Variants in BRMS1L observed in about 807,000 individuals in gnomAD.
BRMS1L encodes breast cancer metastasis-suppressor 1-like protein.
A neutral mutation model predicts 50.3 loss-of-function variants in BRMS1L; 23 were observed. The ratio of observed to expected loss-of-function variants is 0.46; its 90% CI spans 0.33 to 0.65. The LOEUF (loss-of-function observed/expected upper bound fraction) is 0.65. Ranked by LOEUF, BRMS1L falls within the 30% of genes least tolerant of loss-of-function variation. The probability of loss-of-function intolerance (pLI) is 0.02; values close to 1 mark genes in which losing one functional copy is unlikely to be tolerated. For missense variants in BRMS1L, 286 were observed against 386.1 expected, an observed-to-expected ratio of 0.74 and a Z score of 2.17; for synonymous variants, 114 against 126.9, an observed-to-expected ratio of 0.90 and a Z score of 0.69.
intron 2 of BRMS1L, among the ~76,000 whole-genome samples, chr14:35,832,276 G>A (rs992169215): frequency 1.6e-4 from 24 of 151,564 alleles, no homozygotes; most frequent in African/African-American, 5.3e-4. Flanking sequence ...AGGCTGAGGC[G>A]GGTGGATCAC....
chr14:35,869,635 C>T (rs989825773), intron 9 of BRMS1L, among the ~76,000 whole-genome samples: 2 of 152,044 alleles, frequency 1.3e-5, no homozygotes, highest in African/African-American at 4.8e-5. Context: ...ATCACAAGGT[C>T]GGGAGTTCAA....
chr14:35,866,901 C>T (rs992242137), intron 8 of BRMS1L, among the ~76,000 whole-genome samples: 1 of 152,106 alleles, frequency 6.6e-6, no homozygotes, highest in Non-Finnish European at 1.5e-5. Context: ...GTCTCCCTCC[C>T]ACTCTTATCT....
chr14:35,857,389 T>C (rs1047774130), intron 4 of BRMS1L, among the ~76,000 whole-genome samples: 1 of 151,820 alleles, frequency 6.6e-6, no homozygotes, highest in Admixed American at 6.6e-5. Flanking sequence ...AAAACAGCAG[T>C]CTTCTGTCCT....
At chr14:35,865,870 T>C in intron 8 of BRMS1L, 109 bp downstream of exon 8, 2 of 945,588 alleles carry the variant, frequency 2.1e-6, no homozygotes. Flanking sequence ...ATTTCATCAG[T>C]GAACACCGTG....
intron 4 of BRMS1L, among the ~76,000 whole-genome samples, chr14:35,862,286 G>A (rs748189487): frequency 5.3e-5 from 8 of 151,986 alleles, no homozygotes; most frequent in Non-Finnish European, 7.4e-5. Flanking sequence ...AATTTAAAAG[G>A]GGCCATAGGG....
intron 4 of BRMS1L, among the ~76,000 whole-genome samples, chr14:35,851,340 T>C (rs2078208371): frequency 6.6e-6 from 1 of 150,560 alleles, no homozygotes. Context: ...TTTCTATGAA[T>C]TGACATGAAG....
intron 4 of BRMS1L, among the ~76,000 whole-genome samples, chr14:35,852,614 T>G (rs1175318478): frequency 6.6e-6 from 1 of 152,144 alleles, no homozygotes; most frequent in Non-Finnish European, 1.5e-5. Flanking sequence ...ATTGTTGTGG[T>G]TGTAAATGGG....
chr14:35,835,324 G>T (rs1175207731), intron 4 of BRMS1L, among the ~76,000 whole-genome samples: 1 of 152,046 alleles, frequency 6.6e-6, no homozygotes, highest in Non-Finnish European at 1.5e-5. Flanking sequence ...CCACATCTTT[G>T]GGCAGAATTC....
chr14:35,828,471 C>CTTTTT (rs780984053), intron 1 of BRMS1L, among the ~76,000 whole-genome samples: 2 of 99,278 alleles, frequency 2.0e-5, no homozygotes, highest in Admixed American at 1.2e-4. Context: ...CATTCCCAGC[C>CTTTTT]TTTTTTTTTT....
Position 35,826,435 on chromosome 14 carries a change from T to C in BRMS1L, c.-82T>C. 1.3e-6 allele frequency: 2 copies of C among 1,539,096 alleles called. No individual in the cohort carries two copies. Among genetic ancestry groups the C allele is most frequent in the Non-Finnish European group, 1.8e-6 (2 of 1,142,612 alleles). On this transcript the variant is annotated 5_prime_UTR_variant, in exon 1 of 10. Transcript: ENST00000216807. ...GAGCAAGCTCGGTGGCTGGGTGGGT[T>C]GGGGCGTTCCGCGCGCCCTTCATTG...
At chr14:35,859,820 T>A (rs139338380) in intron 4 of BRMS1L, among the ~76,000 whole-genome samples, 230 of 152,168 alleles carry the variant, frequency 1.5e-3, no homozygotes, top group African/African-American at 5.2e-3. Flanking sequence ...TAGCTAATTT[T>A]AAAAAATATT....
intron 4 of BRMS1L, among the ~76,000 whole-genome samples, chr14:35,850,097 C>G (rs530194079): frequency 6.6e-6 from 1 of 152,298 alleles, no homozygotes; most frequent in South Asian, 2.1e-4. Context: ...TCTGAGATTA[C>G]AGGCGTGAGC....
intron 8 of BRMS1L, among the ~76,000 whole-genome samples, chr14:35,866,562 A>G (rs1368512020): frequency 6.6e-6 from 1 of 152,080 alleles, no homozygotes; most frequent in Non-Finnish European, 1.5e-5. Context: ...AAAATTAGCC[A>G]GGCTTGGCGG....
chr14:35,840,945 G>T (rs1351470607), intron 4 of BRMS1L, among the ~76,000 whole-genome samples: 1 of 151,852 alleles, frequency 6.6e-6, no homozygotes, highest in Non-Finnish European at 1.5e-5. Context: ...GTGATGTTAG[G>T]GTGTCGATTT....
chr14:35,860,428 GTGGC>G (rs1205004382), intron 4 of BRMS1L, among the ~76,000 whole-genome samples: 4 of 152,066 alleles, frequency 2.6e-5, no homozygotes, highest in Non-Finnish European at 2.9e-5. Flanking sequence ...ATGAGCCACC[GTGGC>G]TGGCCTAAAC....
At chr14:35,865,096 A>C in intron 7 of BRMS1L, 97 bp downstream of exon 7, 1 of 900,668 alleles carries the variant, frequency 1.1e-6, no homozygotes, top group Non-Finnish European at 1.6e-6. Context: ...ATTATTGTAA[A>C]TATGCTTTGC....
At chr14:35,870,031 C>A (rs1466148044) in intron 9 of BRMS1L, among the ~76,000 whole-genome samples, 2 of 149,872 alleles carry the variant, frequency 1.3e-5, no homozygotes, top group African/African-American at 2.5e-5. Context: ...AGTATAATAC[C>A]ATATACATAG....
chr14:35,856,904 T>C (rs1321934899), intron 4 of BRMS1L, among the ~76,000 whole-genome samples: 2 of 151,964 alleles, frequency 1.3e-5, no homozygotes, highest in African/African-American at 4.8e-5. Context: ...TAGTATGATT[T>C]TGAATCTACT....
chr14:35,852,059 T>C (rs2078218274), intron 4 of BRMS1L, among the ~76,000 whole-genome samples: 1 of 152,240 alleles, frequency 6.6e-6, no homozygotes, highest in Non-Finnish European at 1.5e-5. Flanking sequence ...TGAAGTAATG[T>C]GATGGTTCCA....
Sources: allele counts gnomAD v4.1 joint callset (sites outside exome capture counted in the v4.1 genomes callset), GRCh38; gene constraint gnomAD v4.1.1; transcripts MANE v1.5; gene names NCBI Gene and HGNC (gene_info 2026-07-23, HGNC 2026-07-21).